KLHL5: variants seen among roughly 807,000 people sequenced by gnomAD.
The protein encoded by KLHL5 is kelch like family member 5, also known as kelch-like protein 5.
Under a neutral mutation model 77.7 loss-of-function variants are expected in KLHL5, and 48 were observed. The ratio of observed to expected loss-of-function variants is 0.62; its 90% CI spans 0.49 to 0.79. The LOEUF (loss-of-function observed/expected upper bound fraction) is 0.79, where lower values mean the gene tolerates loss of function less well. Ranked by LOEUF, KLHL5 falls within the 30% of genes least tolerant of loss-of-function variation. The probability of loss-of-function intolerance (pLI) is 0.00; values close to 1 mark genes in which losing one functional copy is unlikely to be tolerated. For synonymous variants in KLHL5, 260 were observed against 297.0 expected (o/e 0.88, Z 1.28); for missense variants, 723 against 859.7 (o/e 0.84, Z 1.99).
At chr4:39,058,958 TAGG>T (rs894627537), upstream of KLHL5, among the ~76,000 whole-genome samples, 2 of 151,972 alleles carry the variant, frequency 1.3e-5, no homozygotes, top group African/African-American at 4.8e-5. Context: ...TGAAAAAAAT[TAGG>T]AGGGTCAGCG....
At chr4:39,055,637 T>C (rs1716956279) in intron 1 of KLHL5, among the ~76,000 whole-genome samples, 1 of 152,204 alleles carries the variant, frequency 6.6e-6, no homozygotes, top group African/African-American at 2.4e-5. Context: ...CTTTTTTCTT[T>C]AGTGGACCAT....
chr4:39,061,714 A>G (rs1477212243), upstream of KLHL5, among the ~76,000 whole-genome samples: 2 of 152,172 alleles, frequency 1.3e-5, no homozygotes, highest in Admixed American at 6.5e-5. Flanking sequence ...TTTGAGCCGC[A>G]CTTTTCCTTT....
chr4:39,126,626 C>T (rs1024981362), downstream of KLHL5: 23 of 417,344 alleles, frequency 5.5e-5, no homozygotes, highest in African/African-American at 4.5e-4. Flanking sequence ...TGGATCTTTG[C>T]CCAGGTTCAA....
intron 1 of KLHL5, among the ~76,000 whole-genome samples, chr4:39,071,194 T>C (rs142768001): frequency 8.7e-4 from 133 of 152,258 alleles, no homozygotes; most frequent in African/African-American, 3.0e-3. Context: ...AGCCTATACC[T>C]AGCAACTTGT....
chr4:39,101,977 CATAT>C (rs10565740), intron 6 of KLHL5, among the ~76,000 whole-genome samples: 106,036 of 145,684 alleles, frequency 0.73, 38,483 homozygotes, highest in East Asian at 0.83. Context: ...TATATGTATA[CATAT>C]ATATATATAT....
At chr4:39,061,119 C>T (rs1717378344), upstream of KLHL5, among the ~76,000 whole-genome samples, 1 of 152,170 alleles carries the variant, frequency 6.6e-6, no homozygotes, top group African/African-American at 2.4e-5. Flanking sequence ...ACTCCATTGC[C>T]ATCCTGATAT....
chr4:39,069,054 G>A (rs1329850393), intron 1 of KLHL5, among the ~76,000 whole-genome samples: 1 of 152,190 alleles, frequency 6.6e-6, no homozygotes, highest in African/African-American at 2.4e-5. Context: ...CCAGGTTCCT[G>A]TTATATTGTT....
chr4:39,127,134 G>A (rs746291759), downstream of KLHL5, among the ~76,000 whole-genome samples: 1 of 151,986 alleles, frequency 6.6e-6, no homozygotes, highest in Non-Finnish European at 1.5e-5. Context: ...TCAGGAGTTC[G>A]AGACCAGCCT....
chr4:39,057,477 G>C (rs1406272577), upstream of KLHL5, among the ~76,000 whole-genome samples: 6 of 151,938 alleles, frequency 3.9e-5, no homozygotes, highest in Non-Finnish European at 8.8e-5. Context: ...AATCTTTTAG[G>C]GTAAATAACT....
At chr4:39,093,525 A>G (rs1720781640) in intron 5 of KLHL5, 2 of 440,544 alleles carry the variant, frequency 4.5e-6, no homozygotes, top group African/African-American at 2.0e-5. Context: ...AAAGAAATAT[A>G]TTGTCAAATA....
chr4:39,065,941 G>A (rs1201024150), intron 1 of KLHL5, among the ~76,000 whole-genome samples: 1 of 152,270 alleles, frequency 6.6e-6, no homozygotes, highest in South Asian at 2.1e-4. Context: ...GGTGGATCTG[G>A]ACAGTTTAAA....
At chr4:39,071,542 A>C (rs565401113) in intron 1 of KLHL5, among the ~76,000 whole-genome samples, 38 of 152,296 alleles carry the variant, frequency 2.5e-4, no homozygotes, top group African/African-American at 8.9e-4. Context: ...GCACATTTAA[A>C]ATCTGGGGAA....
At chr4:39,132,885 C>T in the KLHL5 span, among the ~76,000 whole-genome samples, 3,677 of 152,142 alleles carry the variant, frequency 0.024, 140 homozygotes, top group African/African-American at 0.083. Flanking sequence ...CTAATTCTAT[C>T]TAGTCTTTCA....
intron 5 of KLHL5, among the ~76,000 whole-genome samples, chr4:39,087,722 A>G (rs1720179630): frequency 6.6e-6 from 1 of 152,204 alleles, no homozygotes; most frequent in African/African-American, 2.4e-5. Flanking sequence ...TTTGCTGCCT[A>G]TCTCAAGGCC....
rs1268151827 is a variant in KLHL5 at position 39,047,093 on chromosome 4, AAC to A, written c.-95+2001_-95+2002del. Among the ~76,000 whole-genome samples the A allele has an allele frequency of 3.5e-4, 53 of 152,306 alleles. 1 individual carries two copies. Among genetic ancestry groups the A allele is most frequent in the Admixed American group, 3.4e-3 (52 of 15,290 alleles). On this transcript the variant is annotated intron_variant, in intron 1 of 11. Transcript: ENST00000261425. Reference sequence around the variant, plus strand: ...ATTTTCCAAATCTATATGACTATGTAACACAAATTGAGGACCACTGAACCTAG... The same window carrying A: ...ATTTTCCAAATCTATATGACTATGTAACAAATTGAGGACCACTGAACCTAG...
upstream of KLHL5, chr4:39,062,096 C>A: frequency 3.2e-6 from 1 of 311,852 alleles, no homozygotes; most frequent in Non-Finnish European, 4.7e-6. Flanking sequence ...TGGTATTTCA[C>A]TTAGGGACTT....
chr4:39,131,668 G>C (rs1723804942), downstream of KLHL5, among the ~76,000 whole-genome samples: 1 of 152,092 alleles, frequency 6.6e-6, no homozygotes, highest in Non-Finnish European at 1.5e-5. Context: ...AGGCAGGATT[G>C]CTTGAGCCCA....
chr4:39,115,651 T>C, intron 10 of KLHL5: 4 of 1,331,262 alleles, frequency 3.0e-6, no homozygotes, highest in Non-Finnish European at 3.8e-6. Context: ...GACTGGAAAA[T>C]AAAAACAAGG....
chr4:39,134,815 G>A, the KLHL5 span, among the ~76,000 whole-genome samples: 1 of 152,210 alleles, frequency 6.6e-6, no homozygotes, highest in African/African-American at 2.4e-5. Context: ...TGTCAATAAA[G>A]CAGAGAGCAG....
Sources: allele counts gnomAD v4.1 joint callset (sites outside exome capture counted in the v4.1 genomes callset), GRCh38; gene constraint gnomAD v4.1.1; transcripts MANE v1.5; gene names NCBI Gene and HGNC (gene_info 2026-07-23, HGNC 2026-07-21).